Variants in HS2ST1 observed in about 807,000 individuals in gnomAD.
HS2ST1 encodes the protein 2-O-sulfotransferase.
A neutral mutation model predicts 42.9 loss-of-function variants in HS2ST1; 18 were observed. The observed-to-expected ratio is 0.42, with a 90% CI of 0.29 to 0.62. The LOEUF is 0.62. Ranked by LOEUF, HS2ST1 falls within the 20% of genes least tolerant of loss-of-function variation. The probability of loss-of-function intolerance (pLI) is 0.21; values close to 1 mark genes in which losing one functional copy is unlikely to be tolerated. For missense variants in HS2ST1, 334 were observed against 433.8 expected (o/e 0.77, Z 2.04); for synonymous variants, 146 against 152.9 (o/e 0.95, Z 0.33).
intron 1 of HS2ST1, among the ~76,000 whole-genome samples, chr1:86,973,372 G>C (rs527728832): frequency 2.6e-5 from 4 of 151,956 alleles, no homozygotes; most frequent in African/African-American, 9.7e-5. Flanking sequence ...AAAAACGCTA[G>C]GGATGCGAAA....
chr1:87,075,374 T>C (rs577445365), intron 2 of HS2ST1, among the ~76,000 whole-genome samples: 6 of 151,922 alleles, frequency 3.9e-5, no homozygotes, highest in African/African-American at 1.2e-4. Context: ...ACCGTGTTAG[T>C]CAGGCTGGTC....
chr1:86,990,452 C>T (rs1648909919), intron 1 of HS2ST1, among the ~76,000 whole-genome samples: 1 of 151,970 alleles, frequency 6.6e-6, no homozygotes, highest in South Asian at 2.1e-4. Context: ...ATCAGCTTAG[C>T]CAGTGATTTT....
At chr1:86,938,487 A>T (rs917949289) in intron 1 of HS2ST1, among the ~76,000 whole-genome samples, 1 of 151,940 alleles carries the variant, frequency 6.6e-6, no homozygotes, top group African/African-American at 2.4e-5. Context: ...TGAGTTTTGA[A>T]TTTTTGATCT....
At chr1:87,063,543 G>C (rs369549034) in intron 1 of HS2ST1, among the ~76,000 whole-genome samples, 16 of 152,190 alleles carry the variant, frequency 1.1e-4, no homozygotes, top group Middle Eastern at 6.8e-3. Flanking sequence ...CACTCTGTTG[G>C]CCAGGCTGGT....
At chr1:87,010,055 C>A (rs375350625) in intron 1 of HS2ST1, among the ~76,000 whole-genome samples, 16 of 148,392 alleles carry the variant, frequency 1.1e-4, no homozygotes, top group African/African-American at 3.0e-4. Flanking sequence ...CAAAACAAAA[C>A]AAAAAAAAAA....
chr1:86,940,424 G>A (rs747339109), intron 1 of HS2ST1, among the ~76,000 whole-genome samples: 2 of 151,836 alleles, frequency 1.3e-5, no homozygotes, highest in East Asian at 3.9e-4. Flanking sequence ...ATGTATAAAC[G>A]TTATTAAAAA....
chr1:86,993,923 C>G (rs982983194), intron 1 of HS2ST1, among the ~76,000 whole-genome samples: 1 of 152,040 alleles, frequency 6.6e-6, no homozygotes, highest in Admixed American at 6.5e-5. Flanking sequence ...AGCAGTGTTG[C>G]AAAAGGGGCC....
At chr1:87,045,668 A>G in intron 1 of HS2ST1, 2 of 775,452 alleles carry the variant, frequency 2.6e-6, no homozygotes, top group Non-Finnish European at 4.8e-6. Context: ...TCAACCCAGC[A>G]ATCACTGCAT....
At chr1:87,041,507 AAC>A (rs1256279363) in intron 1 of HS2ST1, among the ~76,000 whole-genome samples, 1 of 152,206 alleles carries the variant, frequency 6.6e-6, no homozygotes, top group African/African-American at 2.4e-5. Context: ...CATTATTGTT[AAC>A]ACAACTTTAA....
At chr1:86,995,593 A>G (rs1021549092) in intron 1 of HS2ST1, among the ~76,000 whole-genome samples, 5 of 152,146 alleles carry the variant, frequency 3.3e-5, no homozygotes, top group African/African-American at 9.7e-5. Context: ...TCTATGCATA[A>G]GAAATGAAAT....
At position 86,973,019 on chromosome 1, in the gene HS2ST1, G is replaced by A. The variant is rs572847403; in HGVS notation, c.124+57859G>A. On this transcript the variant is annotated intron_variant, in intron 1 of 6. Transcript: ENST00000370550. Reference sequence around the variant, plus strand: ...GAAACAATATGTCTTTTGTCATGGGGTTCACGATGTATGTCTTCTTTACTG... The same window carrying A: ...GAAACAATATGTCTTTTGTCATGGGATTCACGATGTATGTCTTCTTTACTG... 7.9e-5 allele frequency among the ~76,000 whole-genome samples: 12 copies of A among 152,240 alleles called. No individual in the cohort carries two copies. The South Asian group carries it at 1.5e-3, about 18-fold the overall frequency.
chr1:87,087,251 TAATG>T (rs1409302265), intron 3 of HS2ST1, among the ~76,000 whole-genome samples: 1 of 152,188 alleles, frequency 6.6e-6, no homozygotes, highest in African/African-American at 2.4e-5. Flanking sequence ...TTTTCATTTA[TAATG>T]AATAATAGCT....
chr1:87,079,754 G>C (rs1301115185), intron 2 of HS2ST1, among the ~76,000 whole-genome samples: 1 of 151,888 alleles, frequency 6.6e-6, no homozygotes, highest in Non-Finnish European at 1.5e-5. Context: ...AACAATAGTA[G>C]AGGCCAGGCA....
intron 1 of HS2ST1, among the ~76,000 whole-genome samples, chr1:86,956,258 A>G (rs1248320672): frequency 1.3e-5 from 2 of 152,222 alleles, no homozygotes; most frequent in Non-Finnish European, 2.9e-5. Flanking sequence ...TGAAAATTCC[A>G]GATTAAAAAA....
chr1:86,984,450 A>G (rs926286604), intron 1 of HS2ST1, among the ~76,000 whole-genome samples: 2 of 152,238 alleles, frequency 1.3e-5, no homozygotes, highest in African/African-American at 4.8e-5. Flanking sequence ...GTGAGAGAAA[A>G]TGGAGGTCAG....
At chr1:86,980,024 G>A (rs1004736775) in intron 1 of HS2ST1, among the ~76,000 whole-genome samples, 4 of 152,118 alleles carry the variant, frequency 2.6e-5, no homozygotes, top group Admixed American at 6.5e-5. Flanking sequence ...ACTTAGATAA[G>A]GTATGGCGAG....
chr1:86,999,763 T>C (rs774792004), intron 1 of HS2ST1, among the ~76,000 whole-genome samples: 16 of 152,106 alleles, frequency 1.1e-4, no homozygotes, highest in South Asian at 2.1e-4. Flanking sequence ...TCTGCAAGAG[T>C]CTTTTCACAG....
chr1:87,101,455 C>T (rs915532204), intron 5 of HS2ST1, among the ~76,000 whole-genome samples: 5 of 152,054 alleles, frequency 3.3e-5, no homozygotes, highest in African/African-American at 7.2e-5. Context: ...TGTGAGCCAC[C>T]GCACCCGACC....
At chr1:86,999,561 T>A (rs1207848100) in intron 1 of HS2ST1, among the ~76,000 whole-genome samples, 1 of 152,220 alleles carries the variant, frequency 6.6e-6, no homozygotes, top group Non-Finnish European at 1.5e-5. Context: ...TAGGTACACA[T>A]CTTCAGTTTC....
Sources: gnomAD v4.1 joint callset for allele counts (sites outside exome capture counted in the v4.1 genomes callset) on GRCh38, gnomAD v4.1.1 for gene constraint, MANE v1.5 for transcripts, NCBI Gene and HGNC (gene_info 2026-07-23, HGNC 2026-07-21) for gene names.